FBXW7: variants seen among roughly 807,000 people sequenced by gnomAD.
FBXW7 encodes F-box/WD repeat-containing protein 7.
In FBXW7, 11 loss-of-function variants were observed where a neutral mutation model predicts 86.3. That is an observed-to-expected ratio of 0.13 (90% CI 0.08 to 0.21). The LOEUF (loss-of-function observed/expected upper bound fraction) is 0.21. FBXW7 is among the 10% of genes least tolerant of loss of function. The probability of loss-of-function intolerance (pLI) is 1.00; values close to 1 mark genes in which losing one functional copy is unlikely to be tolerated. For missense variants in FBXW7, 488 were observed against 847.4 expected (o/e 0.58, Z 5.27); for synonymous variants, 313 against 297.9 (o/e 1.05, Z -0.52).
chr4:152,345,152 A>G (rs1731133696), intron 6 of FBXW7, among the ~76,000 whole-genome samples: 1 of 152,166 alleles, frequency 6.6e-6, no homozygotes, highest in Non-Finnish European at 1.5e-5. Flanking sequence ...CAAGTGTCCG[A>G]GTTTTATTTT....
At chr4:152,452,240 T>G (rs1469666065) in intron 2 of FBXW7, among the ~76,000 whole-genome samples, 2 of 152,212 alleles carry the variant, frequency 1.3e-5, no homozygotes, top group African/African-American at 4.8e-5. Context: ...TCAAGAGAGA[T>G]AACCCACATA....
rs375094814 is a variant in FBXW7, at chr4:152,458,010, T to C, written c.-119-45481A>G. Among the ~76,000 whole-genome samples the C allele has an allele frequency of 7.0e-4, 106 of 152,192 alleles. No individual in the cohort carries two copies. The Middle Eastern group carries it at 0.01, about 15-fold the overall frequency. On this transcript the variant is annotated intron_variant, in intron 2 of 13. Transcript: ENST00000281708. The stretch of plus-strand genomic sequence containing the variant: ...CAATATACTTTCTTTGTTTTTTGTT[T>C]TGTTTTGTTTTGTTTTTGAGATGGA...
In FBXW7 at chr4:152,322,324, CAAAAAA is replaced by C. The variant is rs3841114; in HGVS notation, c.*551_*556del. On this transcript the variant is annotated 3_prime_UTR_variant, in exon 14 of 14. Coordinates refer to ENST00000281708, the MANE Select transcript of FBXW7 (RefSeq NM_001349798.2). ...ATTGATTGACATTGGCAATGGTTGG[CAAAAAA>C]AAAAAAAAAAAAGCTTTTCATGATA... The C allele has an allele frequency of 2.5e-4, 42 of 165,798 alleles. No individual in the cohort carries two copies. Among genetic ancestry groups the C allele is most frequent in the East Asian group, 4.8e-4 (6 of 12,598 alleles). 10.3% of individuals were successfully genotyped at this position (165,798 alleles called of 1,614,324 possible).
intron 4 of FBXW7, chr4:152,382,244 A>G (rs1735145106): frequency 6.2e-7 from 1 of 1,601,774 alleles, no homozygotes; most frequent in Non-Finnish European, 8.5e-7. Context: ...AAATATCTTC[A>G]TCACAGTTTG....
intron 2 of FBXW7, among the ~76,000 whole-genome samples, chr4:152,489,674 G>A (rs1745661070): frequency 6.6e-6 from 1 of 152,036 alleles, no homozygotes; most frequent in African/African-American, 2.4e-5. Flanking sequence ...AAGTCAACAG[G>A]ATGTGTTTAG....
chr4:152,401,086 TTGG>T (rs1373880835), intron 4 of FBXW7, among the ~76,000 whole-genome samples: 1 of 152,210 alleles, frequency 6.6e-6, no homozygotes, highest in Admixed American at 6.5e-5. Context: ...TCATTCACTG[TTGG>T]TGGGAATGCA....
At chr4:152,439,604 G>A (rs1740696619) in intron 2 of FBXW7, among the ~76,000 whole-genome samples, 1 of 152,056 alleles carries the variant, frequency 6.6e-6, no homozygotes, top group South Asian at 2.1e-4. Flanking sequence ...GGTGGCTCAG[G>A]CCTGTAATCC....
chr4:152,498,607 T>C (rs1317537957), intron 2 of FBXW7, among the ~76,000 whole-genome samples: 1 of 152,148 alleles, frequency 6.6e-6, no homozygotes, highest in Admixed American at 6.5e-5. Flanking sequence ...AGGGAGCTTA[T>C]CATTTAGTGC....
At position 152,334,219 on chromosome 4, in the gene FBXW7, G is replaced by A. The variant is rs528706166; in HGVS notation, c.862-1500C>T. Among the ~76,000 whole-genome samples the A allele has an allele frequency of 2.7e-4, 41 of 152,246 alleles. No individual in the cohort carries two copies. In the South Asian group the frequency reaches 5.8e-3, roughly 22 times the overall value. ...AAATAATTACTTTTGGTATATCAGA[G>A]AAGACCAGTATTATGTAGAGAAGCT... On this transcript the variant is annotated intron_variant, in intron 7 of 13. Transcript: ENST00000281708.
intron 2 of FBXW7, among the ~76,000 whole-genome samples, chr4:152,527,644 C>T (rs1406064492): frequency 6.6e-6 from 1 of 151,762 alleles, no homozygotes; most frequent in Admixed American, 6.6e-5. Context: ...TGGCAGTACA[C>T]ACCTATAGTC....
chr4:152,350,246 A>C, intron 4 of FBXW7, 122 bp from the exon 5 acceptor site: 1 of 477,902 alleles, frequency 2.1e-6, no homozygotes, highest in South Asian at 4.4e-5. Flanking sequence ...AATTAAATAT[A>C]TAAAATAAAT....
chr4:152,367,712 A>T (rs1693626295), intron 4 of FBXW7, among the ~76,000 whole-genome samples: 1 of 152,090 alleles, frequency 6.6e-6, no homozygotes, highest in Non-Finnish European at 1.5e-5. Flanking sequence ...CTGATATCTA[A>T]ATCTTTAGTT....
chr4:152,402,025 T>A (rs1233227895), intron 4 of FBXW7, among the ~76,000 whole-genome samples: 1 of 152,144 alleles, frequency 6.6e-6, no homozygotes, highest in Non-Finnish European at 1.5e-5. Context: ...TGAAGGAATG[T>A]AGAAATAATT....
At chr4:152,500,843 T>C (rs949923663) in intron 2 of FBXW7, among the ~76,000 whole-genome samples, 8 of 152,362 alleles carry the variant, frequency 5.3e-5, no homozygotes, top group African/African-American at 1.4e-4. Flanking sequence ...TATTTATAAA[T>C]TGCAATTCTG....
intron 4 of FBXW7, among the ~76,000 whole-genome samples, chr4:152,377,548 T>TC (rs1291130585): frequency 2.0e-5 from 3 of 150,844 alleles, no homozygotes; most frequent in African/African-American, 4.9e-5. Context: ...GGTCAGGAGT[T>TC]CGAGACCAGC....
rs534382391 is a variant in FBXW7, at chr4:152,409,986, C to T, written c.501+1317G>A. Among the ~76,000 whole-genome samples the T allele has an allele frequency of 5.9e-5, 9 of 152,214 alleles. No individual in the cohort carries two copies. In the South Asian group the frequency reaches 1.9e-3, roughly 32 times the overall value. On this transcript the variant is annotated intron_variant, in intron 4 of 13. Transcript: ENST00000281708. ...TCTTGAAGGTAAAGAAAAGATAAAG[C>T]ACCTGTCAAACTTGTGAACTGGAAG...
chr4:152,382,661 A>T (rs1735198364), intron 4 of FBXW7: 1 of 210,116 alleles, frequency 4.8e-6, no homozygotes, highest in Non-Finnish European at 9.1e-6. Flanking sequence ...CTGTGCTGTA[A>T]GGTCCCTTTT....
chr4:152,528,361 C>T (rs1380793281), intron 2 of FBXW7, among the ~76,000 whole-genome samples: 5 of 152,178 alleles, frequency 3.3e-5, no homozygotes, highest in Middle Eastern at 3.2e-3. Context: ...GATACTCAAG[C>T]AATAAGGTCT....
chr4:152,522,646 C>T (rs1056891987), intron 2 of FBXW7, among the ~76,000 whole-genome samples: 2 of 152,286 alleles, frequency 1.3e-5, no homozygotes, highest in Non-Finnish European at 1.5e-5. Context: ...CCTCTCCCCA[C>T]TCCCCCAAAT....
Sources: allele counts gnomAD v4.1 joint callset (sites outside exome capture counted in the v4.1 genomes callset), GRCh38; gene constraint gnomAD v4.1.1; transcripts MANE v1.5; gene names NCBI Gene and HGNC (gene_info 2026-07-23, HGNC 2026-07-21).